ERI3: variants seen among roughly 807,000 people sequenced by gnomAD.
ERI3 encodes ERI1 exoribonuclease family member 3.
Under a neutral mutation model 44.4 loss-of-function variants are expected in ERI3, and 18 were observed. That is an observed-to-expected ratio of 0.41 (90% CI 0.28 to 0.60). The LOEUF (loss-of-function observed/expected upper bound fraction) is 0.60, where lower values mean the gene tolerates loss of function less well. ERI3 is among the 20% of genes least tolerant of loss of function. The pLI is 0.36. For synonymous variants in ERI3, 183 were observed against 164.8 expected, an observed-to-expected ratio of 1.11 and a Z score of -0.84; for missense variants, 294 against 435.5, an observed-to-expected ratio of 0.68 and a Z score of 2.89.
At chr1:44,304,493 T>C (rs1445677643) in intron 6 of ERI3, among the ~76,000 whole-genome samples, 2 of 152,102 alleles carry the variant, frequency 1.3e-5, no homozygotes, top group Admixed American at 6.5e-5. Context: ...AAGACTGAAG[T>C]AGTCAGCTGT....
intron 8 of ERI3, among the ~76,000 whole-genome samples, chr1:44,227,667 G>A (rs1308473476): frequency 6.6e-6 from 1 of 152,128 alleles, no homozygotes; most frequent in African/African-American, 2.4e-5. Context: ...CAACAGCTGG[G>A]TGCAGTTTAA....
intron 6 of ERI3, among the ~76,000 whole-genome samples, chr1:44,305,377 C>T (rs1645810773): frequency 6.6e-6 from 1 of 152,156 alleles, no homozygotes; most frequent in Non-Finnish European, 1.5e-5. Context: ...AGAGAAACAA[C>T]ACCAAACCCT....
chr1:44,247,919 G>T lies in ERI3; in HGVS notation c.931+20C>A. 2 of 1,592,012 alleles carry T rather than the reference G, an allele frequency of 1.3e-6. No homozygotes were observed. Among genetic ancestry groups the T allele is most frequent in the Non-Finnish European group, 1.7e-6 (2 of 1,165,458 alleles). On this transcript the variant is annotated intron_variant, in intron 8 of 8. Coordinates refer to ENST00000372257, the MANE Select transcript of ERI3 (RefSeq NM_024066.3). ...GGGACGATGGATGGAGCTGCCGGGGGAATATGCGAAGGGACTGACCAATGC... is the reference window on the plus strand; with the variant it reads ...GGGACGATGGATGGAGCTGCCGGGGTAATATGCGAAGGGACTGACCAATGC...
At chr1:44,346,978 T>C (rs1646796970) in intron 2 of ERI3, among the ~76,000 whole-genome samples, 1 of 152,006 alleles carries the variant, frequency 6.6e-6, no homozygotes, top group Admixed American at 6.5e-5. Context: ...GTATCGATGA[T>C]TTACATATTT....
At chr1:44,222,360 C>T (rs1228766219) in intron 8 of ERI3, among the ~76,000 whole-genome samples, 1 of 152,262 alleles carries the variant, frequency 6.6e-6, no homozygotes, top group African/African-American at 2.4e-5. Context: ...CTCCTGTATA[C>T]ATCGGCGGAA....
rs577261437 is a variant in ERI3, at chr1:44,270,258, T to C, written c.831+14577A>G. ...ATCTTTCTCCTGCCACCACACCCCA[T>C]CTTTCTCCCAAACTGTCCTCAGCTT... On this transcript the variant is annotated intron_variant, in intron 7 of 8. Transcript: ENST00000372257. Among the ~76,000 whole-genome samples the C allele has an allele frequency of 5.2e-4, 79 of 152,306 alleles. No individual in the cohort carries two copies. In the South Asian group the frequency reaches 5.6e-3, roughly 11 times the overall value.
At chr1:44,292,179 A>T (rs571016190) in intron 6 of ERI3, among the ~76,000 whole-genome samples, 16 of 152,200 alleles carry the variant, frequency 1.1e-4, no homozygotes, top group African/African-American at 3.9e-4. Context: ...CAGGAAAAGG[A>T]TACTGGAGAA....
At chr1:44,238,434 G>T (rs1348776253) in intron 8 of ERI3, among the ~76,000 whole-genome samples, 1 of 152,156 alleles carries the variant, frequency 6.6e-6, no homozygotes, top group Admixed American at 6.5e-5. Context: ...AGTGGGACGG[G>T]ACAGGTCGGG....
At chr1:44,301,382 C>T (rs1231415531) in intron 6 of ERI3, among the ~76,000 whole-genome samples, 2 of 152,194 alleles carry the variant, frequency 1.3e-5, no homozygotes, top group Admixed American at 6.5e-5. Flanking sequence ...AGGAAGCTGA[C>T]CCACTGCCCT....
chr1:44,235,748 A>G lies in ERI3; in HGVS notation c.931+12191T>C, dbSNP rs1644290101. 1.3e-5 allele frequency among the ~76,000 whole-genome samples: 2 copies of G among 151,932 alleles called. No individual in the cohort carries two copies. The highest frequency in any genetic ancestry group is 6.5e-5 in the Admixed American group (1 of 15,272). On this transcript the variant is annotated intron_variant, in intron 8 of 8. Transcript: ENST00000372257. The surrounding 1 kb of genome is among the most constrained non-coding windows in gnomAD (Gnocchi z 4.6). ...AGCATCTTGGTTTCCCCAGGACTTC[A>G]CTGTGCCAGGAGACTGGCTAGGACC...
chr1:44,247,392 T>G (rs895752734), intron 8 of ERI3, among the ~76,000 whole-genome samples: 1 of 152,132 alleles, frequency 6.6e-6, no homozygotes, highest in African/African-American at 2.4e-5. Flanking sequence ...GTACCCCAAG[T>G]GGACCCCCTC....
In ERI3 at chr1:44,235,205, A is replaced by G. The variant is rs1644276628; in HGVS notation, c.931+12734T>C. Among the ~76,000 whole-genome samples the G allele has an allele frequency of 2.0e-5, 3 of 152,064 alleles. No individual in the cohort carries two copies. Among genetic ancestry groups the G allele is most frequent in the African/African-American group, 7.2e-5 (3 of 41,386 alleles). The stretch of plus-strand genomic sequence containing the variant: ...TCCCAATGCATCCAAACCCCTTTAT[A>G]AAAGTCTGAGTTCTGGACCTGTTTA... On this transcript the variant is annotated intron_variant, in intron 8 of 8. Transcript: ENST00000372257. The surrounding 1 kb of genome is among the most constrained non-coding windows in gnomAD (Gnocchi z 4.6).
intron 6 of ERI3, among the ~76,000 whole-genome samples, chr1:44,300,112 G>A (rs975345393): frequency 4.6e-5 from 7 of 152,154 alleles, no homozygotes; most frequent in Non-Finnish European, 8.8e-5. Flanking sequence ...CAGAACCAAG[G>A]CAGCAACACT....
At chr1:44,258,394 G>A (rs1463344797) in intron 7 of ERI3, among the ~76,000 whole-genome samples, 2 of 152,092 alleles carry the variant, frequency 1.3e-5, no homozygotes, top group Admixed American at 6.5e-5. Flanking sequence ...ATGCATGCTT[G>A]CACACAGCAT....
chr1:44,223,186 G>C (rs1159339766), intron 8 of ERI3, among the ~76,000 whole-genome samples: 3 of 152,212 alleles, frequency 2.0e-5, no homozygotes, highest in Non-Finnish European at 2.9e-5. Flanking sequence ...AGACAGATGG[G>C]TGGGTAGTGG....
intron 7 of ERI3, among the ~76,000 whole-genome samples, chr1:44,275,584 G>A (rs897992157): frequency 6.6e-6 from 1 of 152,268 alleles, no homozygotes; most frequent in Admixed American, 6.5e-5. Context: ...GGGAGAAACA[G>A]AATGTTTCTT....
intron 3 of ERI3, among the ~76,000 whole-genome samples, chr1:44,335,576 A>G (rs12063694): frequency 0.25 from 37,555 of 151,840 alleles, 4,744 homozygotes; most frequent in Non-Finnish European, 0.26. Context: ...CCTGACCAAC[A>G]TGGAGAAAGC....
intron 8 of ERI3, among the ~76,000 whole-genome samples, chr1:44,225,029 A>G (rs1452885414): frequency 1.3e-5 from 2 of 152,188 alleles, no homozygotes; most frequent in African/African-American, 4.8e-5. Context: ...GGCTTTTAAT[A>G]GGCCAAAAAT....
intron 3 of ERI3, among the ~76,000 whole-genome samples, chr1:44,333,665 A>G (rs1352321745): frequency 6.6e-6 from 1 of 152,236 alleles, no homozygotes; most frequent in Non-Finnish European, 1.5e-5. Flanking sequence ...AGAAATCAAT[A>G]TAGTTTGCTT....
Sources: allele counts gnomAD v4.1 joint callset (sites outside exome capture counted in the v4.1 genomes callset), GRCh38; gene constraint gnomAD v4.1.1; non-coding constraint Gnocchi (gnomAD v3.1); transcripts MANE v1.5; gene names NCBI Gene and HGNC (gene_info 2026-07-23, HGNC 2026-07-21).